Variants in KCTD14 observed in about 807,000 individuals in gnomAD.
The protein encoded by KCTD14 is potassium channel tetramerization domain containing 14, also known as BTB/POZ domain-containing protein KCTD14.
KCTD14 carries 7 observed loss-of-function variants against 5.9 expected under a neutral mutation model. The observed-to-expected ratio is 1.19, with a 90% CI of 0.68 to 2.23. KCTD14 has a LOEUF of 2.23. Ranked by LOEUF, KCTD14 falls within the 30% of genes most tolerant of loss-of-function variation. The pLI is 0.00. For missense variants in KCTD14, 342 were observed against 332.2 expected (o/e 1.03, Z -0.23); for synonymous variants, 140 against 133.1 (o/e 1.05, Z -0.36).
intron 1 of KCTD14, among the ~76,000 whole-genome samples, chr11:78,039,047 T>A (rs1591194950): frequency 8.0e-6 from 1 of 124,532 alleles, no homozygotes; most frequent in African/African-American, 3.0e-5. Flanking sequence ...AGGGAAGGAG[T>A]AGAGTCTGGA....
At chr11:78,032,629 A>ACACAAGAC (rs55965125) in intron 2 of KCTD14, among the ~76,000 whole-genome samples, 1 of 151,284 alleles carries the variant, frequency 6.6e-6, no homozygotes, top group Non-Finnish European at 1.5e-5. Flanking sequence ...CCAGGCCAGG[A>ACACAAGAC]CAGTACTGCC....
intron 1 of KCTD14, among the ~76,000 whole-genome samples, chr11:78,043,646 A>AG (rs1858053488): frequency 1.3e-5 from 2 of 152,172 alleles, no homozygotes. Flanking sequence ...CTCCTGGAGC[A>AG]GGTGACATTT....
At chr11:78,039,971 G>C (rs1399667315) in intron 1 of KCTD14, among the ~76,000 whole-genome samples, 1 of 152,058 alleles carries the variant, frequency 6.6e-6, no homozygotes, top group Non-Finnish European at 1.5e-5. Context: ...ATCCTTGATA[G>C]CTAAGGCACT....
intron 1 of KCTD14, among the ~76,000 whole-genome samples, chr11:78,041,738 C>T (rs755387400): frequency 4.6e-5 from 7 of 152,252 alleles, no homozygotes; most frequent in Non-Finnish European, 8.8e-5. Context: ...ACTCCCATCC[C>T]TCCGGATCTG....
At chr11:78,034,247 T>C (rs1369304003) in intron 2 of KCTD14, among the ~76,000 whole-genome samples, 1 of 152,094 alleles carries the variant, frequency 6.6e-6, no homozygotes, top group Non-Finnish European at 1.5e-5. Context: ...CTCAGCCTCC[T>C]GAGTAGCTGG....
intron 1 of KCTD14, among the ~76,000 whole-genome samples, chr11:78,042,959 G>A (rs1260271788): frequency 2.0e-5 from 3 of 152,206 alleles, no homozygotes; most frequent in African/African-American, 4.8e-5. Flanking sequence ...TTCCCTACCT[G>A]GCCGGTGCCA....
At chr11:78,023,112 AAGAGGCGGAGGAC>A (rs1327893852) in intron 1 of KCTD14, 35 bp downstream of exon 1, 2 of 1,256,042 alleles carry the variant, frequency 1.6e-6, no homozygotes, top group East Asian at 2.6e-5. Context: ...AGGCGGAGGG[AAGAGGCGGAGGAC>A]AGAGGCGCGG....
At chr11:78,031,536 G>C (rs1198371993) in intron 2 of KCTD14, among the ~76,000 whole-genome samples, 1 of 150,860 alleles carries the variant, frequency 6.6e-6, no homozygotes, top group East Asian at 1.9e-4. Context: ...CAGCCATCAT[G>C]CCTGGCTAAT....
chr11:78,016,576 G>A lies in KCTD14; in HGVS notation c.*17C>T, dbSNP rs1334926569. The A allele has an allele frequency of 3.8e-5, 61 of 1,599,512 alleles. No homozygotes were observed. Among genetic ancestry groups the A allele is most frequent in the Non-Finnish European group, 5.1e-5 (60 of 1,169,444 alleles). On this transcript the variant is annotated 3_prime_UTR_variant, in exon 2 of 2. Coordinates refer to ENST00000353172, the MANE Select transcript of KCTD14 (RefSeq NM_023930.4). ...ATAAGCCACGCCAGAATTCATAACA[G>A]TCTCTGCTCCTGAGGATCACCACCA...
intron 1 of KCTD14, among the ~76,000 whole-genome samples, chr11:78,045,109 G>A (rs772291995): frequency 1.3e-5 from 2 of 152,108 alleles, no homozygotes; most frequent in African/African-American, 4.8e-5. Flanking sequence ...CCCAACTCCT[G>A]AGATCTTTTT....
At chr11:78,030,758 T>C (rs375713293) in intron 2 of KCTD14, among the ~76,000 whole-genome samples, 7 of 152,042 alleles carry the variant, frequency 4.6e-5, no homozygotes, top group Non-Finnish European at 8.8e-5. Flanking sequence ...TGTGGCAGAG[T>C]GCCCAGCCTA....
intron 2 of KCTD14, among the ~76,000 whole-genome samples, chr11:78,037,473 C>T (rs1321012607): frequency 6.6e-6 from 1 of 152,202 alleles, no homozygotes; most frequent in African/African-American, 2.4e-5. Flanking sequence ...TAGGCCAGTT[C>T]ACCAGCTGGT....
rs569716505 is a variant in KCTD14 at position 78,016,445 on chromosome 11, T to C, written c.*148A>G. ...CAGTTGCAATGGAGTGGAAAGTCCT[T>C]AAACGAGTGATCAATATTTAGTGGC... is the stretch of plus-strand genomic sequence containing the variant. On this transcript the variant is annotated 3_prime_UTR_variant, in exon 2 of 2. Coordinates refer to ENST00000353172, the MANE Select transcript of KCTD14 (RefSeq NM_023930.4). 2.5e-5 allele frequency: 17 copies of C among 676,046 alleles called. No individual in the cohort carries two copies. The highest frequency in any genetic ancestry group is 2.3e-4 in the Admixed American group (8 of 34,178). 41.9% of individuals were successfully genotyped at this position (676,046 alleles called of 1,614,324 possible).
chr11:78,041,311 G>A (rs987292463), intron 1 of KCTD14, among the ~76,000 whole-genome samples: 2 of 152,210 alleles, frequency 1.3e-5, no homozygotes, highest in African/African-American at 4.8e-5. Flanking sequence ...GACCCAGTCT[G>A]CATGAAACTG....
chr11:78,041,872 A>C (rs1035009396), intron 1 of KCTD14, among the ~76,000 whole-genome samples: 1 of 152,210 alleles, frequency 6.6e-6, no homozygotes, highest in Non-Finnish European at 1.5e-5. Flanking sequence ...GCTGAACACT[A>C]GTCACTGGGT....
intron 1 of KCTD14, among the ~76,000 whole-genome samples, chr11:78,044,634 G>A (rs558644285): frequency 1.3e-5 from 2 of 152,246 alleles, no homozygotes; most frequent in East Asian, 1.9e-4. Context: ...GAATCTGTAC[G>A]GGTCTGTAGT....
intron 2 of KCTD14, among the ~76,000 whole-genome samples, chr11:78,033,901 G>GTGTGTGTGTGTGTACATATATATATATA: frequency 6.9e-5 from 8 of 115,604 alleles, no homozygotes; most frequent in African/African-American, 7.0e-5. Context: ...GTGTGTGTGT[G>GTGTGTGTGTGTGTACATATATATATATA]TATATATATA....
chr11:78,038,830 C>A, intron 1 of KCTD14: 1 of 1,513,002 alleles, frequency 6.6e-7, no homozygotes, highest in Non-Finnish European at 8.9e-7. Context: ...GTTCAGAGGG[C>A]CCAGGCCAGG....
upstream of KCTD14, among the ~76,000 whole-genome samples, chr11:78,025,116 GTGTATA>G (rs1328313232): frequency 3.7e-3 from 255 of 68,474 alleles, 1 homozygote; most frequent in South Asian, 9.3e-3. Context: ...GTGTGTGTGT[GTGTATA>G]TATATATATA....
Sources: gnomAD v4.1 joint callset for allele counts (sites outside exome capture counted in the v4.1 genomes callset) on GRCh38, gnomAD v4.1.1 for gene constraint, MANE v1.5 for transcripts, NCBI Gene and HGNC (gene_info 2026-07-23, HGNC 2026-07-21) for gene names.